Variants in THSD4 observed in about 807,000 individuals in gnomAD.
THSD4 encodes thrombospondin type-1 domain-containing protein 4.
A neutral mutation model predicts 119.0 loss-of-function variants in THSD4; 69 were observed. That is an observed-to-expected ratio of 0.58 (90% confidence interval 0.48 to 0.71). The LOEUF is 0.71. Among genes scored for constraint, THSD4 ranks in the 30% least tolerant of loss-of-function variants. THSD4 has a pLI of 0.00. For synonymous variants in THSD4, 524 were observed against 540.4 expected (o/e 0.97, Z 0.42); for missense variants, 1,393 against 1,391.1 (o/e 1.00, Z -0.02).
intron 7 of THSD4, among the ~76,000 whole-genome samples, chr15:71,639,852 A>G (rs981066534): frequency 2.0e-5 from 3 of 150,322 alleles, no homozygotes; most frequent in Non-Finnish European, 1.5e-5. Flanking sequence ...AAAAAAAAAG[A>G]AAAGAAAAGA....
At chr15:71,669,394 A>G (rs781117563) in intron 8 of THSD4, among the ~76,000 whole-genome samples, 6 of 152,068 alleles carry the variant, frequency 3.9e-5, no homozygotes, top group Non-Finnish European at 8.8e-5. Flanking sequence ...TAAATTATCT[A>G]TTACTCTGTG....
intron 6 of THSD4, among the ~76,000 whole-genome samples, chr15:71,357,774 G>A (rs112290797): frequency 0.011 from 1,628 of 152,276 alleles, 28 homozygotes; most frequent in African/African-American, 0.037. Context: ...TAAATGTGGC[G>A]AGAAATGGAT....
intron 7 of THSD4, among the ~76,000 whole-genome samples, chr15:71,507,550 G>A (rs1286905248): frequency 6.6e-6 from 1 of 152,122 alleles, no homozygotes; most frequent in African/African-American, 2.4e-5. Flanking sequence ...ACTGCTCCCC[G>A]CATTGTCCCA....
intron 6 of THSD4, among the ~76,000 whole-genome samples, chr15:71,307,088 C>A (rs976464264): frequency 6.6e-6 from 1 of 152,174 alleles, no homozygotes; most frequent in Non-Finnish European, 1.5e-5. Flanking sequence ...GACAAATTTG[C>A]CTTCCTTGTT....
chr15:71,620,429 CA>C (rs34834724), intron 7 of THSD4, among the ~76,000 whole-genome samples: 8,850 of 149,886 alleles, frequency 0.059, 391 homozygotes, highest in Middle Eastern at 0.15. Context: ...TCTGTTTTTA[CA>C]AAAAAAAATA....
At chr15:71,185,092 G>A (rs2141430030) in intron 3 of THSD4, among the ~76,000 whole-genome samples, 1 of 151,730 alleles carries the variant, frequency 6.6e-6, no homozygotes, top group South Asian at 2.1e-4. Context: ...TACCTTGCTG[G>A]CACCAGGTTT....
intron 6 of THSD4, among the ~76,000 whole-genome samples, chr15:71,340,811 G>T (rs1337465300): frequency 6.6e-6 from 1 of 152,006 alleles, no homozygotes; most frequent in Non-Finnish European, 1.5e-5. Context: ...TGTTGACCAG[G>T]GTAGTCTTGA....
chr15:71,738,330 G>A lies in THSD4; in HGVS notation c.1906+323G>A, dbSNP rs895996220. On this transcript the variant is annotated intron_variant, in intron 11 of 17. Coordinates refer to ENST00000261862, the MANE Select transcript of THSD4 (RefSeq NM_024817.3). ...ACCCACCAGTCACCTCCTGCTGTGC[G>A]ACCTGGTTCCTAACAGGCCATGGAC... is the stretch of plus-strand genomic sequence containing the variant. 34 of 266,620 alleles carry A rather than the reference G, an allele frequency of 1.3e-4. No homozygotes were observed. The Admixed American group carries it at 1.7e-3, about 13-fold the overall frequency. The allele number at this position is 266,620 out of a possible 1,614,324, so 16.5% of individuals were successfully genotyped here.
intron 8 of THSD4, among the ~76,000 whole-genome samples, chr15:71,727,975 C>T (rs1408914738): frequency 6.6e-6 from 1 of 152,092 alleles, no homozygotes; most frequent in African/African-American, 2.4e-5. Flanking sequence ...GGACAGCCAT[C>T]CTGGGCTCCA....
chr15:71,172,681 A>ACAG (rs1491315161), intron 3 of THSD4, among the ~76,000 whole-genome samples: 2 of 85,874 alleles, frequency 2.3e-5, no homozygotes, highest in African/African-American at 8.7e-5. Context: ...ATAGACCTAT[A>ACAG]CATATATATA....
chr15:71,564,457 G>A (rs1302591959), intron 7 of THSD4, among the ~76,000 whole-genome samples: 1 of 152,166 alleles, frequency 6.6e-6, no homozygotes, highest in African/African-American at 2.4e-5. Flanking sequence ...AAGAAGATTG[G>A]AGGTGGAAGG....
chr15:71,515,452 T>C (rs2048345327), intron 7 of THSD4, among the ~76,000 whole-genome samples: 1 of 152,194 alleles, frequency 6.6e-6, no homozygotes, highest in African/African-American at 2.4e-5. Flanking sequence ...GTTTCAGGGC[T>C]GGCCGCGTCC....
chr15:71,748,642 G>A (rs1249343424), intron 14 of THSD4, 48 bp downstream of exon 14: 2 of 1,599,864 alleles, frequency 1.3e-6, no homozygotes, highest in South Asian at 1.1e-5. Context: ...TCTGCCAGGT[G>A]CCTCCAAAAC....
At chr15:71,213,607 G>C (rs2140248530) in intron 3 of THSD4, among the ~76,000 whole-genome samples, 1 of 152,272 alleles carries the variant, frequency 6.6e-6, no homozygotes, top group South Asian at 2.1e-4. Flanking sequence ...GCATACAGCT[G>C]GTGCTCAGAG....
chr15:71,601,341 T>C (rs776178683), intron 7 of THSD4, among the ~76,000 whole-genome samples: 7 of 152,094 alleles, frequency 4.6e-5, no homozygotes, highest in Non-Finnish European at 1.0e-4. Flanking sequence ...ATGGAAGCCT[T>C]TAGCAGCTAG....
At chr15:71,393,810 G>A (rs1007154175) in intron 6 of THSD4, among the ~76,000 whole-genome samples, 5 of 152,152 alleles carry the variant, frequency 3.3e-5, no homozygotes, top group African/African-American at 1.2e-4. Flanking sequence ...CAGCTCCAGG[G>A]CCTTCCGGAG....
intron 4 of THSD4, among the ~76,000 whole-genome samples, chr15:71,227,986 G>A (rs947836509): frequency 3.3e-5 from 5 of 152,206 alleles, no homozygotes; most frequent in South Asian, 4.2e-4. Flanking sequence ...GATGTTTGTC[G>A]ATGGTTTCCT....
chr15:71,455,585 A>C (rs1005857403), intron 7 of THSD4, among the ~76,000 whole-genome samples: 1 of 152,112 alleles, frequency 6.6e-6, no homozygotes, highest in Non-Finnish European at 1.5e-5. Flanking sequence ...TTAGGGATTC[A>C]TTCCTTCTAC....
chr15:71,409,888 T>C (rs1012679975), intron 6 of THSD4, among the ~76,000 whole-genome samples: 35 of 98,942 alleles, frequency 3.5e-4, no homozygotes, highest in African/African-American at 1.3e-3. Context: ...CCAAAACAGT[T>C]TTTTTTTTTT....
Sources: allele counts gnomAD v4.1 joint callset (sites outside exome capture counted in the v4.1 genomes callset), GRCh38; gene constraint gnomAD v4.1.1; transcripts MANE v1.5; gene names NCBI Gene and HGNC (gene_info 2026-07-23, HGNC 2026-07-21).